Variants in ACOT11 observed in about 807,000 individuals in gnomAD.
ACOT11 encodes acyl-coenzyme A thioesterase 11.
ACOT11 carries 69 observed loss-of-function variants against 77.5 expected under a neutral mutation model. That is an observed-to-expected ratio of 0.89 (90% CI 0.73 to 1.09). The LOEUF is 1.09. Ranked by LOEUF, ACOT11 falls within the 50% of genes least tolerant of loss-of-function variation. The pLI is 0.00. For synonymous variants in ACOT11, 279 were observed against 313.0 expected (o/e 0.89, Z 1.15); for missense variants, 766 against 813.7 (o/e 0.94, Z 0.71).
At chr1:54,566,789 C>T (rs1266567330) in intron 1 of ACOT11, among the ~76,000 whole-genome samples, 1 of 152,100 alleles carries the variant, frequency 6.6e-6, no homozygotes, top group African/African-American at 2.4e-5. Flanking sequence ...TTTGGAGCAC[C>T]CACGTGTGGC....
intron 15 of ACOT11, among the ~76,000 whole-genome samples, chr1:54,622,235 C>G (rs145142819): frequency 2.2e-5 from 3 of 134,364 alleles, no homozygotes; most frequent in Non-Finnish European, 4.6e-5. Context: ...GATATCATGT[C>G]ACCGCACTCT....
chr1:54,553,543 C>T (rs72901623), intron 1 of ACOT11, among the ~76,000 whole-genome samples: 12,801 of 151,764 alleles, frequency 0.084, 901 homozygotes, highest in African/African-American at 0.18. Context: ...TTTTGAAGTA[C>T]GTATACATTA....
intron 1 of ACOT11, among the ~76,000 whole-genome samples, chr1:54,569,125 AT>A (rs1397217570): frequency 0.028 from 4,023 of 144,026 alleles, 187 homozygotes; most frequent in African/African-American, 0.1. Flanking sequence ...AAAAAAAAAA[AT>A]AATTTTTTTT....
intron 4 of ACOT11, 73 bp from the exon 5 acceptor site, chr1:54,593,868 T>G: frequency 1.5e-5 from 19 of 1,297,162 alleles, no homozygotes; most frequent in Non-Finnish European, 2.0e-5. Context: ...TGCTGTCTGG[T>G]GGAGCTGCGG....
At chr1:54,623,741 A>G (rs1644253654) in intron 15 of ACOT11, among the ~76,000 whole-genome samples, 1 of 152,126 alleles carries the variant, frequency 6.6e-6, no homozygotes, top group East Asian at 1.9e-4. Context: ...CAGGAGACCA[A>G]TCCCAGCCCC....
chr1:54,622,579 A>C (rs543326817), intron 15 of ACOT11, among the ~76,000 whole-genome samples: 11 of 151,840 alleles, frequency 7.2e-5, no homozygotes, highest in South Asian at 4.2e-4. Context: ...AAAAAAAAAA[A>C]CCACAAAAAA....
chr1:54,590,372 G>A (rs1190599124), intron 3 of ACOT11, among the ~76,000 whole-genome samples: 2 of 152,184 alleles, frequency 1.3e-5, no homozygotes, highest in Admixed American at 1.3e-4. Context: ...CTGGAAGGGT[G>A]TCCGGGAGCT....
chr1:54,630,648 C>T (rs1282778203), intron 15 of ACOT11: 28 of 539,114 alleles, frequency 5.2e-5, no homozygotes, highest in South Asian at 5.5e-5. Flanking sequence ...ATCTCTGTTC[C>T]GGGCTCTCAG....
In ACOT11 at chr1:54,597,798, G is replaced by GTAGC. The variant is rs1031889241; in HGVS notation, c.764+384_764+387dup. 10 of 209,502 alleles carry GTAGC rather than the reference G, an allele frequency of 4.8e-5. No individual in the cohort carries two copies. The Admixed American group carries it at 5.3e-4, about 11-fold the overall frequency. The allele number at this position is 209,502 out of a possible 1,614,324, so 13.0% of individuals were successfully genotyped here. A position where few individuals can be genotyped will look rare whatever the true frequency, so the allele number is the denominator to read the frequency against. ...CCCAGCCCCTGCCTTTGCTCCTGATGTAGCCTCCTGCCGTGCTTCCCCTAC... is the reference window on the plus strand; with the variant it reads ...CCCAGCCCCTGCCTTTGCTCCTGATGTAGCTAGCCTCCTGCCGTGCTTCCCCTAC... On this transcript the variant is annotated intron_variant, in intron 7 of 15. Transcript: ENST00000343744.
rs187521047 is a variant in ACOT11 at position 54,627,537 on chromosome 1, G to A, written c.1630-3197G>A. Among the ~76,000 whole-genome samples, 54 of 135,804 alleles carry A rather than the reference G, an allele frequency of 4.0e-4. 14 individuals are homozygous for A. The highest frequency in any genetic ancestry group is 7.0e-4 in the Non-Finnish European group (42 of 59,794). 89.1% of individuals were successfully genotyped at this position (135,804 alleles called of 152,430 possible). On this transcript the variant is annotated intron_variant, in intron 15 of 16. Transcript: ENST00000371316. ...GTGCTAGGCTCTGGGGATCCACCCCGTGGCATACTGTGGGAGAGAAGAAAG... is the reference window on the plus strand; with the variant it reads ...GTGCTAGGCTCTGGGGATCCACCCCATGGCATACTGTGGGAGAGAAGAAAG...
chr1:54,603,880 C>G lies in ACOT11; in HGVS notation c.1095C>G (p.Ile365Met). 1 of 1,614,094 alleles carries G rather than the reference C, an allele frequency of 6.2e-7. No individual in the cohort carries two copies. Among genetic ancestry groups the G allele is most frequent in the Non-Finnish European group, 8.5e-7 (1 of 1,179,986 alleles). ...RKKIRLDRKY[I>M]VSCKQTEVPL... Reference sequence around the variant, plus strand: ...CTTCTCTCCTTCCCAGGAAGTACATCGTGTCCTGTAAGCAGACAGAGGTGC... The same window carrying G: ...CTTCTCTCCTTCCCAGGAAGTACATGGTGTCCTGTAAGCAGACAGAGGTGC... Residue 365 changes from isoleucine to methionine, a missense_variant, in exon 11 of 16, where the codon ATC becomes ATG. Transcript: ENST00000343744.
Position 54,599,484 on chromosome 1 carries a change from C to A in ACOT11, c.884+69C>A, listed in dbSNP as rs1643938291. 4.2e-6 allele frequency: 6 copies of A among 1,432,840 alleles called. No homozygotes were observed. The East Asian group carries it at 1.3e-4, about 32-fold the overall frequency. 88.8% of individuals were successfully genotyped at this position (1,432,840 alleles called of 1,614,324 possible). ...GGGCTCTTCCTGACCCTAGAAAGGA[C>A]CCTACTTCAAACTGTCCAGGAGCCC... On this transcript the variant is annotated intron_variant, in intron 8 of 15. Transcript: ENST00000343744.
At chr1:54,570,657 C>T (rs879812592) in intron 1 of ACOT11, among the ~76,000 whole-genome samples, 39 of 150,210 alleles carry the variant, frequency 2.6e-4, no homozygotes, top group Non-Finnish European at 4.4e-4. Context: ...GCTGGGATTA[C>T]AGGCATGAGC....
intron 3 of ACOT11, among the ~76,000 whole-genome samples, chr1:54,589,317 CTTTTT>C (rs397863314): frequency 8.0e-5 from 10 of 124,398 alleles, no homozygotes; most frequent in Admixed American, 6.8e-4. Context: ...ATGCCTGGCC[CTTTTT>C]TTTTTTTTTT....
intron 6 of ACOT11, among the ~76,000 whole-genome samples, chr1:54,595,882 G>A (rs534060398): frequency 2.6e-5 from 4 of 152,276 alleles, no homozygotes; most frequent in South Asian, 2.1e-4. Flanking sequence ...AAATCTCCCC[G>A]GAGTGGGGAG....
At chr1:54,603,022 T>C (rs1643982681) in intron 10 of ACOT11, among the ~76,000 whole-genome samples, 1 of 152,232 alleles carries the variant, frequency 6.6e-6, no homozygotes, top group African/African-American at 2.4e-5. Flanking sequence ...TTGCCATTGA[T>C]TCTGATGCCC....
chr1:54,589,116 A>G (rs1272989083), intron 3 of ACOT11, among the ~76,000 whole-genome samples: 1 of 152,076 alleles, frequency 6.6e-6, no homozygotes, highest in African/African-American at 2.4e-5. Context: ...TCCCAGGTTC[A>G]AGCAATTCTC....
chr1:54,608,906 C>T lies in ACOT11; in HGVS notation c.1630-51C>T, dbSNP rs1644071687. 4 of 1,586,462 alleles carry T rather than the reference C, an allele frequency of 2.5e-6. No homozygotes were observed. In the East Asian group the frequency reaches 8.9e-5, roughly 35 times the overall value. ...TGCCCACTGGGCTCCCACCCCTTCC[C>T]AGGACCCTCCCCTAGCTTGGTCCCC... On this transcript the variant is annotated intron_variant, in intron 15 of 15. Coordinates refer to ENST00000343744, the MANE Select transcript of ACOT11 (RefSeq NM_147161.4).
At chr1:54,592,029 C>T (rs1569729023) in intron 3 of ACOT11, among the ~76,000 whole-genome samples, 1 of 122,390 alleles carries the variant, frequency 8.2e-6, no homozygotes, top group East Asian at 3.0e-4. Context: ...ATTCAGTCAG[C>T]TACCCTTTAT....
Sources: gnomAD v4.1 joint callset for allele counts (sites outside exome capture counted in the v4.1 genomes callset) on GRCh38, gnomAD v4.1.1 for gene constraint, MANE v1.5 for transcripts, NCBI Gene and HGNC (gene_info 2026-07-23, HGNC 2026-07-21) for gene names.